The following CELF2 variants were observed in gnomAD, a reference collection of about 807,000 sequenced individuals.
CELF2 encodes CUGBP Elav-like family member 2.
CELF2 carries 8 observed loss-of-function variants against 62.6 expected under a neutral mutation model. That is an observed-to-expected ratio of 0.13 (90% CI 0.07 to 0.23). The LOEUF is 0.23. CELF2 is among the 10% of genes least tolerant of loss of function. The probability of loss-of-function intolerance (pLI) is 1.00; values close to 1 mark genes in which losing one functional copy is unlikely to be tolerated. For synonymous variants in CELF2, 258 were observed against 250.0 expected, an observed-to-expected ratio of 1.03 and a Z score of -0.30; for missense variants, 333 against 671.0, an observed-to-expected ratio of 0.50 and a Z score of 5.56.
At position 11,007,902 on chromosome 10, in the gene CELF2, C is replaced by A. The variant is rs2055589509; in HGVS notation, c.53+2462C>A. ...TATCTGTGATCTAGTCACTCTAATT[C>A]CTGGGTAGTCACAGTTAGGTACGGA... On this transcript the variant is annotated intron_variant, in intron 1 of 12. Transcript: ENST00000416382. Among the ~76,000 whole-genome samples the A allele has an allele frequency of 3.3e-5, 5 of 152,112 alleles. No individual in the cohort carries two copies. In the South Asian group the frequency reaches 6.2e-4, roughly 19 times the overall value.
At chr10:11,142,925 C>A (rs906483071) in intron 1 of CELF2, among the ~76,000 whole-genome samples, 29 of 150,768 alleles carry the variant, frequency 1.9e-4, no homozygotes, top group African/African-American at 6.2e-4. Flanking sequence ...ACTGGGGTTA[C>A]TCAGTCCCCT....
chr10:10,784,191 T>C, the CELF2 span, among the ~76,000 whole-genome samples: 1 of 152,174 alleles, frequency 6.6e-6, no homozygotes, highest in African/African-American at 2.4e-5. Context: ...TGGTGCTGTG[T>C]GCTTAAACTC....
At chr10:10,480,320 C>A in the CELF2 span, among the ~76,000 whole-genome samples, 1 of 152,150 alleles carries the variant, frequency 6.6e-6, no homozygotes, top group Non-Finnish European at 1.5e-5. Flanking sequence ...AGCAGTGGAT[C>A]CCCCTTAACT....
intron 1 of CELF2, among the ~76,000 whole-genome samples, chr10:11,151,739 T>G (rs900625070): frequency 6.6e-6 from 1 of 152,162 alleles, no homozygotes; most frequent in Non-Finnish European, 1.5e-5. Context: ...TTACATCTTA[T>G]GGTGAATTGA....
chr10:10,587,512 G>A, the CELF2 span, among the ~76,000 whole-genome samples: 237 of 152,162 alleles, frequency 1.6e-3, no homozygotes, highest in Non-Finnish European at 1.8e-3. Context: ...CTCATCGGTC[G>A]TGGCAAAATA....
intron 1 of CELF2, among the ~76,000 whole-genome samples, chr10:11,076,399 A>AT: frequency 6.6e-6 from 1 of 152,198 alleles, no homozygotes; most frequent in Non-Finnish European, 1.5e-5. Context: ...CGTAGGCTTG[A>AT]TTTGTTATAC....
At chr10:10,792,059 A>AGAC in the CELF2 span, among the ~76,000 whole-genome samples, 1 of 128,438 alleles carries the variant, frequency 7.8e-6, no homozygotes, top group African/African-American at 2.8e-5. Flanking sequence ...GGAAGGAAGG[A>AGAC]AGGAGGGAGG....
intron 2 of CELF2, among the ~76,000 whole-genome samples, chr10:11,213,479 G>C (rs566733564): frequency 3.3e-5 from 5 of 152,320 alleles, no homozygotes; most frequent in Admixed American, 2.0e-4. Context: ...TTGAGCCTTC[G>C]TGGTTTTTCA....
At chr10:10,870,969 C>G (rs1243782212) in intron 1 of CELF2, among the ~76,000 whole-genome samples, 1 of 152,136 alleles carries the variant, frequency 6.6e-6, no homozygotes, top group Non-Finnish European at 1.5e-5. Flanking sequence ...GCAGTGTACG[C>G]TCCCACCCCC....
rs1052201169 is a variant in CELF2 at position 11,177,123 on chromosome 10, A to G, written c.271+11441A>G. Among the ~76,000 whole-genome samples the G allele has an allele frequency of 1.1e-4, 17 of 152,154 alleles. No individual in the cohort carries two copies. Among genetic ancestry groups the G allele is most frequent in the Non-Finnish European group, 2.5e-4 (17 of 68,010 alleles). ...GTTATTAGAAGACTCGCAACTTAGA[A>G]AAGGAAGTAAACATGTTAATACTAG... On this transcript the variant is annotated intron_variant, in intron 2 of 12. Coordinates refer to ENST00000633077, the MANE Select transcript of CELF2 (RefSeq NM_001326342.2). The surrounding 1 kb of genome is among the most constrained non-coding windows in gnomAD (Gnocchi z 4.8).
rs781090839 is a variant in CELF2 at position 11,321,138 on chromosome 10, A to G, written c.1097-51A>G. On this transcript the variant is annotated intron_variant, in intron 10 of 12. Transcript: ENST00000633077. The surrounding 1 kb of genome is among the most constrained non-coding windows in gnomAD (Gnocchi z 6.2). ...GATTCTCTAACTTCCTTTGGAAAGC[A>G]CTAATGAATAAGTGCTGTTTCTCTT... is the stretch of plus-strand genomic sequence containing the variant. 9 of 1,575,380 alleles carry G rather than the reference A, an allele frequency of 5.7e-6. No individual in the cohort carries two copies. Among genetic ancestry groups the G allele is most frequent in the Non-Finnish European group, 7.9e-6 (9 of 1,145,326 alleles).
intron 1 of CELF2, among the ~76,000 whole-genome samples, chr10:11,113,327 A>T (rs1345968209): frequency 3.3e-5 from 5 of 152,188 alleles, no homozygotes; most frequent in African/African-American, 1.2e-4. Flanking sequence ...CATCAGCATC[A>T]TCATTGCTAT....
Position 11,168,456 on chromosome 10 carries a change from T to C in CELF2, c.271+2774T>C, listed in dbSNP as rs545092821. On this transcript the variant is annotated intron_variant, in intron 2 of 12. Transcript: ENST00000633077. ...CTAGAGAGAGCAACAGCCCCCACTTTATTCATGTTGATACCTATGCATGCC... is the reference window on the plus strand; with the variant it reads ...CTAGAGAGAGCAACAGCCCCCACTTCATTCATGTTGATACCTATGCATGCC... 1.5e-3 allele frequency among the ~76,000 whole-genome samples: 221 copies of C among 152,366 alleles called. 1 individual carries two copies. The highest frequency in any genetic ancestry group is 0.01 in the Middle Eastern group (3 of 294).
chr10:10,653,163 C>T, the CELF2 span, among the ~76,000 whole-genome samples: 1 of 152,162 alleles, frequency 6.6e-6, no homozygotes. Flanking sequence ...ACAAGAAGAG[C>T]TAACTCTCCT....
the CELF2 span, among the ~76,000 whole-genome samples, chr10:10,772,200 G>T: frequency 6.6e-6 from 1 of 152,136 alleles, no homozygotes; most frequent in African/African-American, 2.4e-5. Flanking sequence ...CTGTTCTGAG[G>T]ATCTGTTTTT....
intron 5 of CELF2, among the ~76,000 whole-genome samples, chr10:11,265,912 C>T (rs1326404511): frequency 6.6e-6 from 1 of 152,110 alleles, no homozygotes; most frequent in Non-Finnish European, 1.5e-5. Flanking sequence ...AATGACAATG[C>T]ACGTTTTTTA....
Position 11,211,540 on chromosome 10 carries a change from T to A in CELF2, c.272-5885T>A, listed in dbSNP as rs1201204737. On this transcript the variant is annotated intron_variant, in intron 2 of 12. Transcript: ENST00000633077. The surrounding 1 kb of genome is among the most constrained non-coding windows in gnomAD (Gnocchi z 4.8). ...CTCTTTGATTCACAGCAAACCGTGA[T>A]ATAAACTGGTTATCTTTATATATCA... 6.6e-6 allele frequency among the ~76,000 whole-genome samples: 1 copy of A among 152,236 alleles called. No individual in the cohort carries two copies. The highest frequency in any genetic ancestry group is 2.4e-5 in the African/African-American group (1 of 41,462).
At chr10:10,530,664 A>G in the CELF2 span, among the ~76,000 whole-genome samples, 3 of 152,184 alleles carry the variant, frequency 2.0e-5, no homozygotes, top group Non-Finnish European at 4.4e-5. Flanking sequence ...TTTTGCGGAA[A>G]TTATTCTGAG....
intron 1 of CELF2, among the ~76,000 whole-genome samples, chr10:10,913,469 C>T (rs993843496): frequency 7.8e-6 from 1 of 127,638 alleles, no homozygotes; most frequent in Non-Finnish European, 1.6e-5. Flanking sequence ...CAGCTCACTG[C>T]AACCTCCGCC....
Sources: allele counts gnomAD v4.1 joint callset (sites outside exome capture counted in the v4.1 genomes callset), GRCh38; gene constraint gnomAD v4.1.1; non-coding constraint Gnocchi (gnomAD v3.1); transcripts MANE v1.5; gene names NCBI Gene and HGNC (gene_info 2026-07-23, HGNC 2026-07-21).